Variants in CLASRP observed in about 807,000 individuals in gnomAD.
CLASRP encodes the protein CLK4-associating serine/arginine rich protein.
Under a neutral mutation model 99.9 loss-of-function variants are expected in CLASRP, and 52 were observed. The observed-to-expected ratio is 0.52, with a 90% CI of 0.42 to 0.66. CLASRP has a LOEUF of 0.66. Among genes scored for constraint, CLASRP ranks in the 30% least tolerant of loss-of-function variants. The pLI, the probability that CLASRP is intolerant of heterozygous loss-of-function variation, is 0.00. For missense variants in CLASRP, 848 were observed against 999.2 expected (o/e 0.85, Z 2.04); for synonymous variants, 379 against 373.0 (o/e 1.02, Z -0.18).
At chr19:45,053,407 C>A (rs1972063961) in intron 5 of CLASRP, among the ~76,000 whole-genome samples, 5 of 152,118 alleles carry the variant, frequency 3.3e-5, no homozygotes, top group Admixed American at 3.3e-4. Context: ...CGTCCATATA[C>A]CATGCCTTCT....
intron 18 of CLASRP, chr19:45,069,763 C>T: frequency 2.0e-6 from 1 of 506,630 alleles, no homozygotes; most frequent in Non-Finnish European, 3.5e-6. Flanking sequence ...TGCAGGTGCC[C>T]CAGTGCGGCA....
intron 13 of CLASRP, among the ~76,000 whole-genome samples, chr19:45,066,746 A>G (rs1967096050): frequency 6.6e-6 from 1 of 151,186 alleles, no homozygotes; most frequent in African/African-American, 2.4e-5. Context: ...GGCTTGGGGG[A>G]CAGGTGGGAC....
chr19:45,070,161 G>GTTTTACCAAAAAACCAAA (rs2122622616), intron 19 of CLASRP, 57 bp downstream of exon 19: 1 of 1,150,000 alleles, frequency 8.7e-7, no homozygotes, highest in South Asian at 1.2e-5. Flanking sequence ...GTGTCAAGCA[G>GTTTTACCAAAAAACCAAA]GGTTACCAAA....
At chr19:45,043,975 G>A (rs970982507) in intron 2 of CLASRP, among the ~76,000 whole-genome samples, 3 of 151,986 alleles carry the variant, frequency 2.0e-5, no homozygotes, top group African/African-American at 4.8e-5. Flanking sequence ...TCCGCCTCCC[G>A]GGTTCAAGCA....
intron 2 of CLASRP, chr19:45,040,646 A>G (rs994147211): frequency 4.4e-6 from 1 of 229,386 alleles, no homozygotes; most frequent in Non-Finnish European, 9.1e-6. Flanking sequence ...CATTCCCAGA[A>G]GAGCTCAGCC....
intron 5 of CLASRP, among the ~76,000 whole-genome samples, chr19:45,053,781 G>T (rs907936933): frequency 1.3e-5 from 2 of 152,212 alleles, no homozygotes; most frequent in South Asian, 2.1e-4. Context: ...GCCCAGCCAA[G>T]AATACGTTTT....
intron 6 of CLASRP, among the ~76,000 whole-genome samples, chr19:45,057,441 G>A (rs1972140599): frequency 6.6e-6 from 1 of 152,224 alleles, no homozygotes; most frequent in African/African-American, 2.4e-5. Flanking sequence ...GTGCCCTTGT[G>A]GGACTCATGG....
intron 18 of CLASRP, 62 bp from the exon 19 acceptor site, chr19:45,069,960 G>T (rs889565707): frequency 1.1e-6 from 1 of 916,142 alleles, no homozygotes; most frequent in Middle Eastern, 2.1e-4. Context: ...GGAAGCACCT[G>T]CCCTCCCTGA....
intron 10 of CLASRP, among the ~76,000 whole-genome samples, chr19:45,061,926 G>T (rs777806013): frequency 3.3e-5 from 5 of 150,938 alleles, no homozygotes; most frequent in African/African-American, 4.9e-5. Flanking sequence ...GTTCCTCAGA[G>T]TCATGATGGG....
chr19:45,045,423 G>T (rs531049493), intron 2 of CLASRP, among the ~76,000 whole-genome samples: 4 of 152,224 alleles, frequency 2.6e-5, no homozygotes, highest in African/African-American at 9.6e-5. Flanking sequence ...AGGCTGAGGT[G>T]GGAGAATCTC....
chr19:45,055,688 C>T (rs1453145191), intron 5 of CLASRP, among the ~76,000 whole-genome samples: 1 of 152,160 alleles, frequency 6.6e-6, no homozygotes, highest in Non-Finnish European at 1.5e-5. Context: ...ACAAAATTAG[C>T]CAGGCACGGT....
intron 2 of CLASRP, among the ~76,000 whole-genome samples, chr19:45,046,492 G>A (rs968003586): frequency 6.6e-6 from 1 of 152,228 alleles, no homozygotes; most frequent in Non-Finnish European, 1.5e-5. Context: ...GTCTGGGTCA[G>A]GTGTTCCCCC....
chr19:45,065,471 G>C (rs1031101264), intron 13 of CLASRP, among the ~76,000 whole-genome samples: 1 of 151,620 alleles, frequency 6.6e-6, no homozygotes, highest in South Asian at 2.1e-4. Context: ...TGAGGCACGA[G>C]AATCGTTTCA....
intron 5 of CLASRP, among the ~76,000 whole-genome samples, chr19:45,055,146 G>C (rs768083019): frequency 6.6e-6 from 1 of 152,206 alleles, no homozygotes; most frequent in East Asian, 1.9e-4. Context: ...GGCAATGGTA[G>C]GGGAGAGGGC....
At chr19:45,058,015 G>T in intron 7 of CLASRP, 117 bp downstream of exon 7, 1 of 1,334,286 alleles carries the variant, frequency 7.5e-7, no homozygotes, top group African/African-American at 1.4e-5. Flanking sequence ...TCCCTACCCC[G>T]CCCCAGGGCA....
Position 45,067,439 on chromosome 19 carries a change from C to T in CLASRP, c.1512C>T (p.Arg504=), listed in dbSNP as rs1444828840. Residue 504 remains arginine, a synonymous_variant, in exon 14 of 21, where the codon CGC becomes CGT. Transcript: ENST00000221455. This position sits in a 1 kb window ranked among gnomAD's most constrained non-coding sequence, Gnocchi z 4.9. ...SRSSWSLSPS[R]SRSLTRSRSH... is the part of the protein sequence containing the mutation. Reference sequence around the variant, plus strand: ...GCAGCTGGTCCCTCAGCCCGTCCCGCAGTCGCAGCCTGACTCGCAGCCGCA... The same window carrying T: ...GCAGCTGGTCCCTCAGCCCGTCCCGTAGTCGCAGCCTGACTCGCAGCCGCA... 2 of 1,538,530 alleles carry T rather than the reference C, an allele frequency of 1.3e-6. No homozygotes were observed. Among genetic ancestry groups the T allele is most frequent in the Non-Finnish European group, 1.7e-6 (2 of 1,145,250 alleles).
Position 45,060,499 on chromosome 19 carries a change from G to A in CLASRP, c.789+32G>A. On this transcript the variant is annotated intron_variant, in intron 9 of 20. Transcript: ENST00000221455. The surrounding 1 kb of genome is among the most constrained non-coding windows in gnomAD (Gnocchi z 4.6). ...TCTGGGCTGGAGTGGAAGGGGACAG[G>A]GGTGTGTCACAGGGAGGGCACCCCC... 1 of 1,613,712 alleles carries A rather than the reference G, an allele frequency of 6.2e-7. No homozygotes were observed. The highest frequency in any genetic ancestry group is 1.7e-5 in the Admixed American group (1 of 60,014).
At chr19:45,069,269 G>T (rs1292490465) in intron 18 of CLASRP, 21 bp downstream of exon 18, 9 of 1,611,820 alleles carry the variant, frequency 5.6e-6, no homozygotes, top group Non-Finnish European at 6.8e-6. Flanking sequence ...GCCCCTCCCT[G>T]TCCCATGGCC....
chr19:45,068,315 C>A (rs1276603365), intron 15 of CLASRP, 105 bp from the exon 16 acceptor site: 12 of 630,984 alleles, frequency 1.9e-5, no homozygotes, highest in Admixed American at 1.3e-4. Flanking sequence ...TCGTTCTCCC[C>A]CCCCCACCCC....
Sources: gnomAD v4.1 joint callset for allele counts (sites outside exome capture counted in the v4.1 genomes callset) on GRCh38, gnomAD v4.1.1 for gene constraint, Gnocchi (gnomAD v3.1) non-coding constraint, MANE v1.5 for transcripts, NCBI Gene and HGNC (gene_info 2026-07-23, HGNC 2026-07-21) for gene names.